Variants in CAP2 observed in about 807,000 individuals in gnomAD.
CAP2 encodes cyclase associated actin cytoskeleton regulatory protein 2, also known as adenylyl cyclase-associated protein 2.
In CAP2, 24 loss-of-function variants were observed where a neutral mutation model predicts 57.7. The ratio of observed to expected loss-of-function variants is 0.42; its 90% CI spans 0.30 to 0.58. CAP2 has a LOEUF of 0.58. Ranked by LOEUF, CAP2 falls within the 20% of genes least tolerant of loss-of-function variation. The pLI, the probability that CAP2 is intolerant of heterozygous loss-of-function variation, is 0.22. For missense variants in CAP2, 501 were observed against 590.3 expected, an observed-to-expected ratio of 0.85 and a Z score of 1.57; for synonymous variants, 194 against 207.2, an observed-to-expected ratio of 0.94 and a Z score of 0.55.
intron 4 of CAP2, among the ~76,000 whole-genome samples, chr6:17,494,554 C>T: frequency 6.6e-6 from 1 of 152,080 alleles, no homozygotes; most frequent in East Asian, 1.9e-4. Flanking sequence ...TAAGTGGGAA[C>T]CCACCCCCCA....
At chr6:17,469,455 T>C (rs1426360446) in intron 4 of CAP2, among the ~76,000 whole-genome samples, 3 of 152,124 alleles carry the variant, frequency 2.0e-5, no homozygotes, top group Non-Finnish European at 4.4e-5. Flanking sequence ...TGTATTTGCA[T>C]GGAATCAATA....
chr6:17,474,998 C>G (rs985920680), intron 4 of CAP2, among the ~76,000 whole-genome samples: 1 of 151,974 alleles, frequency 6.6e-6, no homozygotes, highest in African/African-American at 2.4e-5. Context: ...AGTTTGAGAC[C>G]AGCCTGACCA....
chr6:17,492,665 C>T (rs545645330), intron 4 of CAP2, among the ~76,000 whole-genome samples: 1 of 152,320 alleles, frequency 6.6e-6, no homozygotes, highest in South Asian at 2.1e-4. Flanking sequence ...CTGGATCAAA[C>T]AGCATCAACC....
At chr6:17,527,834 C>G (rs982902443) in intron 7 of CAP2, among the ~76,000 whole-genome samples, 9 of 152,154 alleles carry the variant, frequency 5.9e-5, no homozygotes, top group Non-Finnish European at 1.3e-4. Context: ...AACTCCTGAC[C>G]TCAAGCGATC....
chr6:17,400,469 A>G lies in CAP2; in HGVS notation c.-2+6723A>G, dbSNP rs151023512. Among the ~76,000 whole-genome samples the G allele has an allele frequency of 8.1e-4, 123 of 152,340 alleles. 2 individuals carry two copies. Among genetic ancestry groups the G allele is most frequent in the African/African-American group, 2.8e-3 (118 of 41,580 alleles). The stretch of plus-strand genomic sequence containing the variant: ...CAGTGAAGGAAGATAGAATGAATAG[A>G]AGATGACACTTAAGCTGTAAACATA... On this transcript the variant is annotated intron_variant, in intron 1 of 12. Transcript: ENST00000229922.
chr6:17,498,354 TTATC>T (rs1265684493), intron 4 of CAP2, among the ~76,000 whole-genome samples: 1 of 152,246 alleles, frequency 6.6e-6, no homozygotes, highest in Non-Finnish European at 1.5e-5. Flanking sequence ...ACGTAGATTA[TTATC>T]TATCTGAAGG....
chr6:17,410,110 AC>A (rs1759099446), intron 1 of CAP2, among the ~76,000 whole-genome samples: 1 of 151,842 alleles, frequency 6.6e-6, no homozygotes, highest in African/African-American at 2.4e-5. Flanking sequence ...TGAATACCAT[AC>A]TCTCATCTTT....
intron 7 of CAP2, among the ~76,000 whole-genome samples, chr6:17,529,734 C>T (rs1162818056): frequency 1.3e-5 from 2 of 150,382 alleles, no homozygotes; most frequent in Non-Finnish European, 3.0e-5. Flanking sequence ...GTGTATAAAA[C>T]ATTAGGTCTG....
rs140629421 is a variant in CAP2, at chr6:17,518,302, C to T, written c.636+4348C>T. Among the ~76,000 whole-genome samples the T allele has an allele frequency of 2.3e-3, 356 of 152,166 alleles. 1 individual carries two copies. Among genetic ancestry groups the T allele is most frequent in the African/African-American group, 7.4e-3 (308 of 41,510 alleles). On this transcript the variant is annotated intron_variant, in intron 7 of 12. Transcript: ENST00000229922. ...CAAATTTCTTTTAAATTATTAAAAACGACTTAAAGATTCCAAAGCATAGTC... is the reference window on the plus strand; with the variant it reads ...CAAATTTCTTTTAAATTATTAAAAATGACTTAAAGATTCCAAAGCATAGTC...
intron 7 of CAP2, chr6:17,531,748 C>T: frequency 1.7e-6 from 1 of 595,964 alleles, no homozygotes; most frequent in East Asian, 2.8e-5. Flanking sequence ...TATACATTCC[C>T]CCCATGCTTA....
intron 7 of CAP2, among the ~76,000 whole-genome samples, chr6:17,525,393 C>T (rs890742555): frequency 1.3e-5 from 2 of 151,216 alleles, no homozygotes; most frequent in Non-Finnish European, 2.9e-5. Context: ...ACCTGTGAGG[C>T]GGAGGCTGCA....
intron 11 of CAP2, among the ~76,000 whole-genome samples, chr6:17,545,872 T>G (rs915654871): frequency 2.0e-5 from 3 of 152,258 alleles, no homozygotes; most frequent in African/African-American, 7.2e-5. Flanking sequence ...GGACATGAAC[T>G]CATCCTTTTT....
At chr6:17,551,650 A>T in intron 12 of CAP2, 46 bp downstream of exon 12, 1 of 1,436,206 alleles carries the variant, frequency 7.0e-7, no homozygotes, top group Non-Finnish European at 9.5e-7. Flanking sequence ...TGGAGCCTTC[A>T]TTATTAACAT....
chr6:17,420,123 G>A (rs1043532650), intron 1 of CAP2, among the ~76,000 whole-genome samples: 2 of 152,134 alleles, frequency 1.3e-5, no homozygotes, highest in African/African-American at 4.8e-5. Context: ...GCCTGCCTCA[G>A]CCTCCCAAAG....
chr6:17,397,924 G>GA lies in CAP2; in HGVS notation c.-2+4191dup, dbSNP rs59242524. ...GTGAATGTGCCATGTATTTTAATGG[G>GA]AAAAAAAAAAAAAGAAAACCTGATT... On this transcript the variant is annotated intron_variant, in intron 1 of 12. Coordinates refer to ENST00000229922, the MANE Select transcript of CAP2 (RefSeq NM_006366.3). Among the ~76,000 whole-genome samples the GA allele has an allele frequency of 6.7e-3, 931 of 139,102 alleles. 11 individuals carry two copies. Among genetic ancestry groups the GA allele is most frequent in the African/African-American group, 0.019 (713 of 38,212 alleles). 91.3% of individuals were successfully genotyped at this position (139,102 alleles called of 152,430 possible).
chr6:17,414,203 C>T (rs1195654630), intron 1 of CAP2, among the ~76,000 whole-genome samples: 1 of 152,098 alleles, frequency 6.6e-6, no homozygotes, highest in African/African-American at 2.4e-5. Context: ...AGTTGCCCAG[C>T]CTCACTATGA....
At chr6:17,419,541 A>G (rs1018770428) in intron 1 of CAP2, among the ~76,000 whole-genome samples, 1 of 152,222 alleles carries the variant, frequency 6.6e-6, no homozygotes, top group African/African-American at 2.4e-5. Context: ...ATTGGGTTTC[A>G]TTCCTCAGAG....
At chr6:17,415,287 G>A (rs1378444885) in intron 1 of CAP2, among the ~76,000 whole-genome samples, 3 of 152,160 alleles carry the variant, frequency 2.0e-5, no homozygotes, top group African/African-American at 4.8e-5. Context: ...TTGTGAACTT[G>A]TTGTGAGGAA....
At position 17,492,989 on chromosome 6, in the gene CAP2, A is replaced by AAAAAATGTT. The variant is rs1761581034; in HGVS notation, c.301-14179_301-14171dup. Among the ~76,000 whole-genome samples, 3 of 152,344 alleles carry AAAAAATGTT rather than the reference A, an allele frequency of 2.0e-5. No homozygotes were observed. In the South Asian group the frequency reaches 6.2e-4, roughly 32 times the overall value. On this transcript the variant is annotated intron_variant, in intron 4 of 12. Coordinates refer to ENST00000229922, the MANE Select transcript of CAP2 (RefSeq NM_006366.3). ...TCAGAGTTAGTGGATATCAGGCAGA[A>AAAAAATGTT]AAAAATGTTTATGAAGGAAAACAGA...
Sources: gnomAD v4.1 joint callset for allele counts (sites outside exome capture counted in the v4.1 genomes callset) on GRCh38, gnomAD v4.1.1 for gene constraint, MANE v1.5 for transcripts, NCBI Gene and HGNC (gene_info 2026-07-23, HGNC 2026-07-21) for gene names.